RPS6KA2: variants seen among roughly 807,000 people sequenced by gnomAD.
The protein encoded by RPS6KA2 is ribosomal protein S6 kinase A2, also known as ribosomal protein S6 kinase alpha-2.
Under a neutral mutation model 91.8 loss-of-function variants are expected in RPS6KA2, and 42 were observed. The ratio of observed to expected loss-of-function variants is 0.46; its 90% CI spans 0.36 to 0.59. The LOEUF is 0.59. RPS6KA2 is among the 20% of genes least tolerant of loss of function. The probability of loss-of-function intolerance (pLI) is 0.00; values close to 1 mark genes in which losing one functional copy is unlikely to be tolerated. For missense variants in RPS6KA2, 798 were observed against 978.5 expected (o/e 0.82, Z 2.46); for synonymous variants, 414 against 393.6 (o/e 1.05, Z -0.61).
At chr6:166,479,761 G>A (rs906882361) in intron 10 of RPS6KA2, among the ~76,000 whole-genome samples, 1 of 152,222 alleles carries the variant, frequency 6.6e-6, no homozygotes, top group African/African-American at 2.4e-5. Flanking sequence ...CGTCCCTCCG[G>A]GGAGAAGCAC....
At chr6:166,777,134 G>A (rs550843553) in intron 2 of RPS6KA2, among the ~76,000 whole-genome samples, 1 of 152,322 alleles carries the variant, frequency 6.6e-6, no homozygotes, top group South Asian at 2.1e-4. Context: ...GGTTGCTGCG[G>A]GAGGCCTGAG....
intron 2 of RPS6KA2, among the ~76,000 whole-genome samples, chr6:166,845,115 G>A (rs745386771): frequency 2.6e-5 from 4 of 152,100 alleles, no homozygotes; most frequent in Admixed American, 6.5e-5. Flanking sequence ...AAAAGACAAA[G>A]AAGGACATTA....
chr6:166,566,457 G>A (rs1410486228), intron 1 of RPS6KA2, among the ~76,000 whole-genome samples: 2 of 152,216 alleles, frequency 1.3e-5, no homozygotes, highest in Admixed American at 6.5e-5. Context: ...CCACAGGTCT[G>A]CCCATCCACC....
At chr6:166,484,293 C>T (rs565390730) in intron 10 of RPS6KA2, among the ~76,000 whole-genome samples, 162 of 152,316 alleles carry the variant, frequency 1.1e-3, no homozygotes, top group African/African-American at 3.7e-3. Context: ...CAAAGATGAG[C>T]CAGACACAAC....
chr6:166,446,140 G>A (rs533378021), intron 14 of RPS6KA2, among the ~76,000 whole-genome samples: 4 of 152,312 alleles, frequency 2.6e-5, no homozygotes, highest in Admixed American at 1.3e-4. Flanking sequence ...TAACAAGCTC[G>A]TTGCACAGAA....
intron 8 of RPS6KA2, among the ~76,000 whole-genome samples, chr6:166,492,030 T>C (rs1456951081): frequency 6.6e-6 from 1 of 152,212 alleles, no homozygotes. Context: ...ACTACTGAAA[T>C]GTGCACAGAT....
intron 2 of RPS6KA2, among the ~76,000 whole-genome samples, chr6:166,817,870 A>G (rs1282454269): frequency 6.6e-6 from 1 of 151,862 alleles, no homozygotes; most frequent in Non-Finnish European, 1.5e-5. Context: ...TTACAGGCAC[A>G]CACCACCACA....
chr6:166,814,589 G>T (rs931397888), intron 2 of RPS6KA2, among the ~76,000 whole-genome samples: 3 of 152,040 alleles, frequency 2.0e-5, no homozygotes, highest in South Asian at 2.1e-4. Flanking sequence ...CACCTGTCAG[G>T]TCAGTGGCAG....
At chr6:166,517,455 G>GTTTTGTTTTTTT (rs1562550744) in intron 3 of RPS6KA2, among the ~76,000 whole-genome samples, 1 of 104,970 alleles carries the variant, frequency 9.5e-6, no homozygotes, top group African/African-American at 4.4e-5. Flanking sequence ...CTTTTGTTTT[G>GTTTTGTTTTTTT]TTTTTTTTTT....
intron 2 of RPS6KA2, among the ~76,000 whole-genome samples, chr6:166,722,173 A>T (rs1790195609): frequency 6.6e-6 from 1 of 152,130 alleles, no homozygotes; most frequent in Admixed American, 6.5e-5. Context: ...GTGGAGTGTG[A>T]CTCAGAAGGT....
At chr6:166,529,368 C>A (rs886365619) in intron 3 of RPS6KA2, among the ~76,000 whole-genome samples, 1 of 151,994 alleles carries the variant, frequency 6.6e-6, no homozygotes, top group Admixed American at 6.6e-5. Flanking sequence ...GGGAATTGAA[C>A]AACGAGAACC....
chr6:166,550,857 C>T lies in RPS6KA2; in HGVS notation c.100-12073G>A, dbSNP rs1180456583. The stretch of plus-strand genomic sequence containing the variant: ...CTCTACTAAAATACAAAAAATTAGC[C>T]AGGCGTGGTGGCGGGCGCCTGTAGT... On this transcript the variant is annotated intron_variant, in intron 1 of 20. Coordinates refer to ENST00000265678, the MANE Select transcript of RPS6KA2 (RefSeq NM_021135.6). Among the ~76,000 whole-genome samples, 5 of 151,782 alleles carry T rather than the reference C, an allele frequency of 3.3e-5. No individual in the cohort carries two copies. In the East Asian group the frequency reaches 5.8e-4, roughly 18 times the overall value.
At chr6:166,756,771 G>A (rs111575132) in intron 2 of RPS6KA2, among the ~76,000 whole-genome samples, 3,205 of 152,174 alleles carry the variant, frequency 0.021, 101 homozygotes, top group African/African-American at 0.071. Flanking sequence ...GCTTGAACCC[G>A]GGAGGCGGAG....
chr6:166,816,504 G>A (rs549949344), intron 2 of RPS6KA2, among the ~76,000 whole-genome samples: 99 of 150,962 alleles, frequency 6.6e-4, no homozygotes, highest in African/African-American at 1.9e-3. Flanking sequence ...GTGGTGAGCC[G>A]AGATCACGCC....
chr6:166,702,295 G>T, intron 2 of RPS6KA2: 4 of 1,613,478 alleles, frequency 2.5e-6, no homozygotes, highest in Non-Finnish European at 2.5e-6. Flanking sequence ...GCCTTGAGGA[G>T]CCCCTCTGCC....
intron 2 of RPS6KA2, among the ~76,000 whole-genome samples, chr6:166,731,242 CA>C (rs967424146): frequency 8.7e-6 from 1 of 115,534 alleles, no homozygotes; most frequent in Non-Finnish European, 1.8e-5. Flanking sequence ...AACTCCGTCT[CA>C]AAAAAAAGAA....
At chr6:166,609,337 G>A (rs1238230874) in intron 1 of RPS6KA2, among the ~76,000 whole-genome samples, 1 of 152,038 alleles carries the variant, frequency 6.6e-6, no homozygotes, top group African/African-American at 2.4e-5. Context: ...CTACTTTCGG[G>A]GTTGTTACAG....
At chr6:166,641,326 A>C (rs1787425108) in intron 2 of RPS6KA2, among the ~76,000 whole-genome samples, 5 of 152,202 alleles carry the variant, frequency 3.3e-5, no homozygotes, top group African/African-American at 1.2e-4. Flanking sequence ...AACAGCAAGG[A>C]AGGTTGAAGC....
At chr6:166,499,693 G>A (rs1475639537) in intron 7 of RPS6KA2, among the ~76,000 whole-genome samples, 1 of 152,224 alleles carries the variant, frequency 6.6e-6, no homozygotes, top group Non-Finnish European at 1.5e-5. Flanking sequence ...GGAACAGGGT[G>A]AGTCCATTAA....
Sources: gnomAD v4.1 joint callset for allele counts (sites outside exome capture counted in the v4.1 genomes callset) on GRCh38, gnomAD v4.1.1 for gene constraint, MANE v1.5 for transcripts, NCBI Gene and HGNC (gene_info 2026-07-23, HGNC 2026-07-21) for gene names.